Variants in ADGB observed in about 807,000 individuals in gnomAD.
The protein encoded by ADGB is androglobin.
In ADGB, 172 loss-of-function variants were observed where a neutral mutation model predicts 210.5. That is an observed-to-expected ratio of 0.82 (90% CI 0.72 to 0.93). The LOEUF (loss-of-function observed/expected upper bound fraction) is 0.93, where lower values mean the gene tolerates loss of function less well. Among genes scored for constraint, ADGB ranks in the 40% least tolerant of loss-of-function variants. The pLI is 0.00. For missense variants in ADGB, 2,025 were observed against 1,964.8 expected, an observed-to-expected ratio of 1.03 and a Z score of -0.58; for synonymous variants, 658 against 662.7, an observed-to-expected ratio of 0.99 and a Z score of 0.11.
At chr6:146,793,784 T>A (rs1777991729) in intron 33 of ADGB, among the ~76,000 whole-genome samples, 1 of 152,174 alleles carries the variant, frequency 6.6e-6, no homozygotes, top group African/African-American at 2.4e-5. Flanking sequence ...CCAGGCAGTG[T>A]CTTGTACTAT....
At chr6:146,623,744 G>T (rs912654570) in intron 1 of ADGB, among the ~76,000 whole-genome samples, 11 of 151,866 alleles carry the variant, frequency 7.2e-5, no homozygotes, top group Non-Finnish European at 1.5e-4. Context: ...TCATTTATCA[G>T]GTTAAAGGAG....
chr6:146,609,990 A>G (rs1402775440), intron 1 of ADGB, among the ~76,000 whole-genome samples: 1 of 151,964 alleles, frequency 6.6e-6, no homozygotes, highest in African/African-American at 2.4e-5. Flanking sequence ...TAACTTGGGG[A>G]TGGTCATCTT....
At chr6:146,726,327 T>C in intron 19 of ADGB, 130 bp downstream of exon 19, 2 of 557,210 alleles carry the variant, frequency 3.6e-6, no homozygotes, top group East Asian at 3.1e-5. Context: ...GTTCAAGCAA[T>C]TCTCCTTGCC....
intron 6 of ADGB, among the ~76,000 whole-genome samples, chr6:146,665,967 G>T (rs1445753678): frequency 6.6e-6 from 1 of 151,926 alleles, no homozygotes. Context: ...GACTAGTCTG[G>T]GATCTATCCC....
At chr6:146,687,427 A>T (rs1263422126) in intron 10 of ADGB, among the ~76,000 whole-genome samples, 1 of 152,118 alleles carries the variant, frequency 6.6e-6, no homozygotes, top group Non-Finnish European at 1.5e-5. Flanking sequence ...GAATAAAGAA[A>T]ATATGGTACA....
At chr6:146,807,674 C>A in intron 35 of ADGB, 1 of 1,023,484 alleles carries the variant, frequency 9.8e-7, no homozygotes, top group South Asian at 2.0e-5. Flanking sequence ...AGATATTGGG[C>A]CAACTGAAAA....
intron 2 of ADGB, among the ~76,000 whole-genome samples, chr6:146,642,737 C>A (rs1440393488): frequency 6.6e-6 from 1 of 151,768 alleles, no homozygotes; most frequent in South Asian, 2.1e-4. Context: ...AAGAAGGAGA[C>A]AACAGACACT....
rs1247118907 is a variant in ADGB, at chr6:146,802,000, A to C, written c.4807A>C (p.Lys1603Gln). The C allele has an allele frequency of 1.3e-6, 2 of 1,542,906 alleles. No individual in the cohort carries two copies. Among genetic ancestry groups the C allele is most frequent in the South Asian group, 2.4e-5 (2 of 81,782 alleles). The part of the protein sequence containing the change: ...KLKDEVLDMY[K>Q]EMQDSLDEAR... Reference sequence around the variant, plus strand: ...AAAGGATGAAGTCCTGGATATGTATAAGGAAATGCAGGTGAGTCTAAAAGC... The same window carrying C: ...AAAGGATGAAGTCCTGGATATGTATCAGGAAATGCAGGTGAGTCTAAAAGC... Residue 1603 changes from lysine (K) to glutamine (Q), a missense_variant, in exon 35 of 36, where the codon AAG becomes CAG. By Grantham distance (53) the Lys-to-Gln change is moderately conservative. Coordinates refer to ENST00000397944, the MANE Select transcript of ADGB (RefSeq NM_024694.4).
At chr6:146,692,781 A>AT (rs1390087459) in intron 11 of ADGB, 44 bp from the exon 12 acceptor site, 20 of 1,111,598 alleles carry the variant, frequency 1.8e-5, no homozygotes, top group East Asian at 2.6e-5. Flanking sequence ...ATCCTGAAAG[A>AT]TTTTTTTAAA....
At chr6:146,651,499 T>C (rs1409382076) in intron 3 of ADGB, among the ~76,000 whole-genome samples, 2 of 152,174 alleles carry the variant, frequency 1.3e-5, no homozygotes, top group Non-Finnish European at 2.9e-5. Flanking sequence ...TGGGGGCTAA[T>C]TGAGGGAGTT....
chr6:146,735,807 T>G (rs760714027), intron 22 of ADGB, among the ~76,000 whole-genome samples: 29 of 152,226 alleles, frequency 1.9e-4, no homozygotes, highest in Admixed American at 4.6e-4. Context: ...CATATATTTA[T>G]TGAATAACTC....
At chr6:146,634,491 G>A (rs1165772492) in intron 1 of ADGB, among the ~76,000 whole-genome samples, 2 of 151,860 alleles carry the variant, frequency 1.3e-5, no homozygotes, top group Non-Finnish European at 2.9e-5. Flanking sequence ...GCCTCACAAG[G>A]CGTTAAAAAC....
At chr6:146,766,792 GA>G (rs1777583261) in intron 28 of ADGB, among the ~76,000 whole-genome samples, 1 of 151,902 alleles carries the variant, frequency 6.6e-6, no homozygotes, top group Non-Finnish European at 1.5e-5. Flanking sequence ...ACACAAAAAG[GA>G]ATAAAATGTA....
chr6:146,797,638 C>T (rs533012905), intron 33 of ADGB, among the ~76,000 whole-genome samples: 1 of 152,106 alleles, frequency 6.6e-6, no homozygotes, highest in South Asian at 2.1e-4. Flanking sequence ...CAGTTGGAGA[C>T]CACATTCAAA....
Position 146,641,227 on chromosome 6 carries a change from A to G in ADGB, c.238-3546A>G, listed in dbSNP as rs542417819. 2.6e-5 allele frequency among the ~76,000 whole-genome samples: 4 copies of G among 151,920 alleles called. No homozygotes were observed. The South Asian group carries it at 8.3e-4, about 32-fold the overall frequency. On this transcript the variant is annotated intron_variant, in intron 2 of 35. Transcript: ENST00000397944. The stretch of plus-strand genomic sequence containing the variant: ...CAGGGAAGTGAAACATCATCTATAC[A>G]AGCAGAACTACAAAACTGCTCAAAC...
chr6:146,644,931 T>C, intron 3 of ADGB, 66 bp downstream of exon 3: 1 of 998,216 alleles, frequency 1.0e-6, no homozygotes, highest in Non-Finnish European at 1.4e-6. Flanking sequence ...CTGATAAAAA[T>C]TTGCATTTTT....
rs1024614812 is a variant in ADGB, at chr6:146,598,992, C to G, written c.-49C>G. 2.0e-6 allele frequency: 3 copies of G among 1,512,504 alleles called. No homozygotes were observed. Among genetic ancestry groups the G allele is most frequent in the Non-Finnish European group, 2.7e-6 (3 of 1,112,240 alleles). 93.7% of individuals were successfully genotyped at this position (1,512,504 alleles called of 1,614,324 possible). A position where few individuals can be genotyped will look rare whatever the true frequency, so the allele number is the denominator to read the frequency against. ...AACGCAGACGCGGAGCCGAGCGCGC[C>G]CGCAGGCTCTTTGCTCAGAGCTCAG... On this transcript the variant is annotated 5_prime_UTR_variant, in exon 1 of 36. Coordinates refer to ENST00000397944, the MANE Select transcript of ADGB (RefSeq NM_024694.4).
At chr6:146,727,791 T>C (rs1474178999) in intron 19 of ADGB, among the ~76,000 whole-genome samples, 2 of 152,212 alleles carry the variant, frequency 1.3e-5, no homozygotes, top group African/African-American at 4.8e-5. Flanking sequence ...TGAAACTTTC[T>C]GTAGGCTTTG....
chr6:146,688,538 G>A (rs1394397903), intron 10 of ADGB, among the ~76,000 whole-genome samples: 5 of 152,138 alleles, frequency 3.3e-5, no homozygotes, highest in African/African-American at 1.2e-4. Flanking sequence ...AAGGCAGCTT[G>A]AGGCATGCGT....
Sources: gnomAD v4.1 joint callset for allele counts (sites outside exome capture counted in the v4.1 genomes callset) on GRCh38, gnomAD v4.1.1 for gene constraint, MANE v1.5 for transcripts, NCBI Gene and HGNC (gene_info 2026-07-23, HGNC 2026-07-21) for gene names.